The following ATXN10 variants were observed in gnomAD, a reference collection of about 807,000 sequenced individuals.
ATXN10 encodes ataxin 10.
In ATXN10, 28 loss-of-function variants were observed where a neutral mutation model predicts 52.9. That is an observed-to-expected ratio of 0.53 (90% CI 0.39 to 0.73). The LOEUF is 0.73. Ranked by LOEUF, ATXN10 falls within the 30% of genes least tolerant of loss-of-function variation. ATXN10 has a pLI of 0.00. For missense variants in ATXN10, 565 were observed against 577.0 expected, an observed-to-expected ratio of 0.98 and a Z score of 0.21; for synonymous variants, 226 against 221.5, an observed-to-expected ratio of 1.02 and a Z score of -0.18.
chr22:45,838,319 A>G (rs994416902), intron 10 of ATXN10, among the ~76,000 whole-genome samples: 1 of 152,092 alleles, frequency 6.6e-6, no homozygotes, highest in African/African-American at 2.4e-5. Context: ...TGAGCAGTAC[A>G]AGGTGCTTTA....
chr22:45,723,765 G>A (rs1252753825), intron 6 of ATXN10, among the ~76,000 whole-genome samples: 4 of 152,106 alleles, frequency 2.6e-5, no homozygotes, highest in Admixed American at 2.6e-4. Context: ...AGACTAGCCT[G>A]GCCAGCATGG....
intron 10 of ATXN10, among the ~76,000 whole-genome samples, chr22:45,809,326 A>AT (rs1301293948): frequency 4.6e-5 from 7 of 151,634 alleles, no homozygotes; most frequent in African/African-American, 1.5e-4. Context: ...TTTCTTGTGC[A>AT]TTTTTTCCTT....
In ATXN10 at chr22:45,757,178, G is replaced by A. The variant is rs1334826693; in HGVS notation, c.1173+16640G>A. On this transcript the variant is annotated intron_variant, in intron 9 of 11. Transcript: ENST00000252934. This position sits in a 1 kb window ranked among gnomAD's most constrained non-coding sequence, Gnocchi z 4.6. ...GGAGTCTGATGGGGAGGTGGGTGGC[G>A]GGGGTGTTGACAGGAAAAATCCGAC... Among the ~76,000 whole-genome samples the A allele has an allele frequency of 6.6e-6, 1 of 152,156 alleles. No individual in the cohort carries two copies. Among genetic ancestry groups the A allele is most frequent in the Non-Finnish European group, 1.5e-5 (1 of 68,032 alleles).
rs878863160 is a variant in ATXN10 at position 45,793,029 on chromosome 22, T to C, written c.1174-13930T>C. 6 of 290,362 alleles carry C rather than the reference T, an allele frequency of 2.1e-5. No individual in the cohort carries two copies. The South Asian group carries it at 2.7e-4, about 13-fold the overall frequency. The allele number at this position is 290,362 out of a possible 1,614,324, so 18.0% of individuals were successfully genotyped here. A position where few individuals can be genotyped will look rare whatever the true frequency, so the allele number is the denominator to read the frequency against. On this transcript the variant is annotated intron_variant, in intron 9 of 11. Coordinates refer to ENST00000252934, the MANE Select transcript of ATXN10 (RefSeq NM_013236.4). ...TCTCCTAATAGCCCAGCCAGGCCTTTTGCAGGCTCTGCAGTTGCTTCTCAG... is the reference window on the plus strand; with the variant it reads ...TCTCCTAATAGCCCAGCCAGGCCTTCTGCAGGCTCTGCAGTTGCTTCTCAG...
intron 8 of ATXN10, among the ~76,000 whole-genome samples, chr22:45,739,123 G>A (rs1925413752): frequency 6.6e-6 from 1 of 152,184 alleles, no homozygotes; most frequent in African/African-American, 2.4e-5. Context: ...CATCAATATA[G>A]GATGTGATGA....
intron 7 of ATXN10, among the ~76,000 whole-genome samples, chr22:45,730,511 G>A (rs1925048837): frequency 6.6e-6 from 1 of 152,178 alleles, no homozygotes; most frequent in African/African-American, 2.4e-5. Flanking sequence ...TTGACTCACT[G>A]CAACCTCTGC....
Position 45,672,241 on chromosome 22 carries a change from G to C in ATXN10, c.116+62G>C, listed in dbSNP as rs1362514418. The C allele has an allele frequency of 7.1e-6, 10 of 1,404,516 alleles. No homozygotes were observed. In the East Asian group the frequency reaches 2.9e-4, roughly 40 times the overall value. 87.0% of individuals were successfully genotyped at this position (1,404,516 alleles called of 1,614,324 possible). ...GAGGGCGGCCGGGACTCCCGCGGCGGCCCCGGCCTGGACCCAGGCGCCGCC... is the reference window on the plus strand; with the variant it reads ...GAGGGCGGCCGGGACTCCCGCGGCGCCCCCGGCCTGGACCCAGGCGCCGCC... On this transcript the variant is annotated intron_variant, in intron 1 of 11. Transcript: ENST00000252934.
chr22:45,818,235 T>C lies in ATXN10; in HGVS notation c.1237+11213T>C, dbSNP rs1007325521. On this transcript the variant is annotated intron_variant, in intron 10 of 11. Transcript: ENST00000252934. This position sits in a 1 kb window ranked among gnomAD's most constrained non-coding sequence, Gnocchi z 4.6. ...TGTCAGCACACTGGGAGTTTTACAGTGTACGGATTGGCAGACAGCCTGGCT... is the reference window on the plus strand; with the variant it reads ...TGTCAGCACACTGGGAGTTTTACAGCGTACGGATTGGCAGACAGCCTGGCT... Among the ~76,000 whole-genome samples the C allele has an allele frequency of 2.0e-5, 3 of 152,168 alleles. No homozygotes were observed.
intron 9 of ATXN10, chr22:45,792,732 A>G: frequency 2.3e-6 from 1 of 428,106 alleles, no homozygotes; most frequent in South Asian, 2.0e-5. Flanking sequence ...TTTATTTTTA[A>G]CTATAAACAA....
Position 45,754,505 on chromosome 22 carries a change from T to A in ATXN10, c.1173+13967T>A, listed in dbSNP as rs1246688456. On this transcript the variant is annotated intron_variant, in intron 9 of 11. Coordinates refer to ENST00000252934, the MANE Select transcript of ATXN10 (RefSeq NM_013236.4). The surrounding 1 kb of genome is among the most constrained non-coding windows in gnomAD (Gnocchi z 5.4). ...CTCTTCAGAGCCTGTGCTTACTGTGTCATTCTGCCTCTCTAAGTTAAATGT... is the reference window on the plus strand; with the variant it reads ...CTCTTCAGAGCCTGTGCTTACTGTGACATTCTGCCTCTCTAAGTTAAATGT... 6.6e-6 allele frequency among the ~76,000 whole-genome samples: 1 copy of A among 152,178 alleles called. No individual in the cohort carries two copies. Among genetic ancestry groups the A allele is most frequent in the Non-Finnish European group, 1.5e-5 (1 of 68,038 alleles).
chr22:45,691,366 T>A (rs1180768444), intron 2 of ATXN10, among the ~76,000 whole-genome samples: 5 of 152,258 alleles, frequency 3.3e-5, no homozygotes, highest in Non-Finnish European at 7.3e-5. Flanking sequence ...GCCTTCGGCA[T>A]TGGGCTTTGT....
intron 9 of ATXN10, among the ~76,000 whole-genome samples, chr22:45,800,057 G>T (rs1185221359): frequency 1.3e-5 from 2 of 152,058 alleles, no homozygotes; most frequent in East Asian, 3.9e-4. Context: ...AAACATTATG[G>T]ATATATTGAA....
chr22:45,834,536 C>T (rs149647336), intron 10 of ATXN10, among the ~76,000 whole-genome samples: 34 of 152,344 alleles, frequency 2.2e-4, no homozygotes, highest in African/African-American at 8.2e-4. Flanking sequence ...ACAACTGTCT[C>T]CTGCAGCATG....
chr22:45,675,296 C>T (rs981516806), intron 1 of ATXN10: 2 of 152,204 alleles, frequency 1.3e-5, no homozygotes, highest in African/African-American at 2.4e-5. Context: ...GAAATTCTTA[C>T]ATCCCATTGT....
intron 10 of ATXN10, among the ~76,000 whole-genome samples, chr22:45,829,514 A>G (rs1196725393): frequency 6.6e-6 from 1 of 152,224 alleles, no homozygotes; most frequent in Non-Finnish European, 1.5e-5. Flanking sequence ...ATTAAAACTC[A>G]TGTTTTAATG....
intron 1 of ATXN10, chr22:45,674,671 A>G (rs1483000570): frequency 3.9e-5 from 6 of 152,350 alleles, no homozygotes; most frequent in African/African-American, 1.4e-4. Context: ...AGGTGTTAGA[A>G]GGTGGACGAG....
In ATXN10 at chr22:45,678,275, A is replaced by G. The variant is rs147976032; in HGVS notation, c.116+6096A>G. The G allele has an allele frequency of 2.2e-4, 33 of 152,340 alleles. No homozygotes were observed. Among genetic ancestry groups the G allele is most frequent in the African/African-American group, 5.1e-4 (21 of 41,578 alleles). 9.4% of individuals were successfully genotyped at this position (152,340 alleles called of 1,614,324 possible). ...CACAGTTAAAAAAATTAATAATACAATGTACCAAAATCCATTTAATTGTAC... is the reference window on the plus strand; with the variant it reads ...CACAGTTAAAAAAATTAATAATACAGTGTACCAAAATCCATTTAATTGTAC... On this transcript the variant is annotated intron_variant, in intron 1 of 11. Transcript: ENST00000252934. The surrounding 1 kb of genome is among the most constrained non-coding windows in gnomAD (Gnocchi z 4.1).
At chr22:45,788,716 G>T (rs1451268803) in intron 9 of ATXN10, among the ~76,000 whole-genome samples, 1 of 151,954 alleles carries the variant, frequency 6.6e-6, no homozygotes, top group African/African-American at 2.4e-5. Flanking sequence ...CAGTGCAGTG[G>T]CACAGTCAAA....
At chr22:45,679,407 A>G (rs1375860311) in intron 1 of ATXN10, 2 of 152,260 alleles carry the variant, frequency 1.3e-5, no homozygotes, top group African/African-American at 2.4e-5. Context: ...ATGACTTGGT[A>G]TTGTTACTTG....
Sources: gnomAD v4.1 joint callset for allele counts (sites outside exome capture counted in the v4.1 genomes callset) on GRCh38, gnomAD v4.1.1 for gene constraint, Gnocchi (gnomAD v3.1) non-coding constraint, MANE v1.5 for transcripts, NCBI Gene and HGNC (gene_info 2026-07-23, HGNC 2026-07-21) for gene names.